Variants in ASIC2 observed in about 807,000 individuals in gnomAD.
ASIC2 encodes acid sensing ion channel subunit 2.
Under a neutral mutation model 57.3 loss-of-function variants are expected in ASIC2, and 25 were observed. The observed-to-expected ratio is 0.44, with a 90% CI of 0.32 to 0.61. ASIC2 has a LOEUF of 0.61. ASIC2 is among the 20% of genes least tolerant of loss of function. The probability of loss-of-function intolerance (pLI) is 0.06; values close to 1 mark genes in which losing one functional copy is unlikely to be tolerated. For synonymous variants in ASIC2, 319 were observed against 307.5 expected, an observed-to-expected ratio of 1.04 and a Z score of -0.39; for missense variants, 641 against 738.1, an observed-to-expected ratio of 0.87 and a Z score of 1.52.
intron 1 of ASIC2, among the ~76,000 whole-genome samples, chr17:33,736,962 T>C (rs1320691489): frequency 6.6e-6 from 1 of 152,286 alleles, no homozygotes; most frequent in East Asian, 1.9e-4. Flanking sequence ...TGAGATACAG[T>C]AAGCTGCACA....
At chr17:33,078,769 GC>G (rs1308376966) in intron 3 of ASIC2, among the ~76,000 whole-genome samples, 1 of 152,194 alleles carries the variant, frequency 6.6e-6, no homozygotes, top group East Asian at 1.9e-4. Flanking sequence ...TGATTGATTG[GC>G]TACCTCTCCT....
chr17:33,858,674 G>C (rs1287659069), intron 1 of ASIC2, among the ~76,000 whole-genome samples: 1 of 152,228 alleles, frequency 6.6e-6, no homozygotes, highest in Non-Finnish European at 1.5e-5. Flanking sequence ...TTTCCCAGAG[G>C]ACTGGATCAT....
At chr17:33,830,463 C>T (rs1016261168) in intron 1 of ASIC2, among the ~76,000 whole-genome samples, 1 of 152,116 alleles carries the variant, frequency 6.6e-6, no homozygotes, top group Non-Finnish European at 1.5e-5. Context: ...TCATGTGGAC[C>T]TCCCATCTCT....
At chr17:33,049,950 T>A (rs1196680041) in intron 3 of ASIC2, among the ~76,000 whole-genome samples, 1 of 152,160 alleles carries the variant, frequency 6.6e-6, no homozygotes, top group African/African-American at 2.4e-5. Context: ...TGTGCTCTTT[T>A]GTGCCACTGG....
At chr17:33,447,075 T>C (rs957033543) in intron 1 of ASIC2, among the ~76,000 whole-genome samples, 1 of 152,226 alleles carries the variant, frequency 6.6e-6, no homozygotes, top group Non-Finnish European at 1.5e-5. Context: ...TTTATGGTGT[T>C]TGCAGTTGGA....
At chr17:33,021,177 CTCTATG>C in intron 7 of ASIC2, 36 bp downstream of exon 7, 2 of 1,017,014 alleles carry the variant, frequency 2.0e-6, no homozygotes, top group Non-Finnish European at 1.5e-6. Flanking sequence ...CCCTCCCACC[CTCTATG>C]AGATGTGGAA....
intron 1 of ASIC2, among the ~76,000 whole-genome samples, chr17:33,137,321 G>T (rs924064561): frequency 2.6e-5 from 4 of 152,234 alleles, no homozygotes; most frequent in Non-Finnish European, 5.9e-5. Context: ...ATGCCAATGT[G>T]CATTGTGAAT....
In ASIC2 at chr17:33,356,987, G is replaced by A. The variant is rs114826237; in HGVS notation, c.556-244920C>T. Among the ~76,000 whole-genome samples the A allele has an allele frequency of 3.2e-3, 488 of 152,308 alleles. 1 individual carries two copies. Among genetic ancestry groups the A allele is most frequent in the African/African-American group, 0.011 (475 of 41,562 alleles). On this transcript the variant is annotated intron_variant, in intron 1 of 9. Coordinates refer to the ASIC2 transcript ENST00000359872. ...GGGAACAGCTTAGGGATTAGGGACC[G>A]TCTAGATCGGTGGTTCTCAAACTTC...
chr17:33,647,851 C>T (rs1002566436), intron 1 of ASIC2, among the ~76,000 whole-genome samples: 2 of 152,198 alleles, frequency 1.3e-5, no homozygotes, highest in South Asian at 2.1e-4. Flanking sequence ...GGCTACTGCT[C>T]ATAGTGCACT....
intron 1 of ASIC2, among the ~76,000 whole-genome samples, chr17:34,062,921 A>G (rs1909025838): frequency 6.6e-6 from 1 of 152,098 alleles, no homozygotes; most frequent in Admixed American, 6.5e-5. Flanking sequence ...CGAATTCACA[A>G]CAGAATTCTA....
At chr17:33,392,169 T>TCC (rs1422123057) in intron 1 of ASIC2, among the ~76,000 whole-genome samples, 18 of 135,154 alleles carry the variant, frequency 1.3e-4, no homozygotes, top group African/African-American at 4.5e-4. Context: ...TTCTTTTCCT[T>TCC]TCTTCCTTCC....
chr17:33,347,907 G>C (rs1444141424), intron 1 of ASIC2, among the ~76,000 whole-genome samples: 1 of 152,150 alleles, frequency 6.6e-6, no homozygotes, highest in African/African-American at 2.4e-5. Flanking sequence ...TTCAAGACCA[G>C]CCTGGCCAAC....
At chr17:33,743,433 T>C (rs1035747832) in intron 1 of ASIC2, among the ~76,000 whole-genome samples, 1 of 152,256 alleles carries the variant, frequency 6.6e-6, no homozygotes, top group Non-Finnish European at 1.5e-5. Context: ...CCACATGTGA[T>C]AGTTAATTTT....
intron 1 of ASIC2, among the ~76,000 whole-genome samples, chr17:33,929,141 C>T (rs1915881038): frequency 6.6e-6 from 1 of 152,122 alleles, no homozygotes; most frequent in Non-Finnish European, 1.5e-5. Flanking sequence ...TCAGACCCCC[C>T]ATTGGATGGT....
intron 1 of ASIC2, among the ~76,000 whole-genome samples, chr17:33,311,111 G>C (rs1906398705): frequency 6.6e-6 from 1 of 152,182 alleles, no homozygotes; most frequent in South Asian, 2.1e-4. Context: ...AAGAGAAAGA[G>C]AGGGAGGCAG....
chr17:33,760,183 T>C (rs1910739427), intron 1 of ASIC2, among the ~76,000 whole-genome samples: 1 of 152,148 alleles, frequency 6.6e-6, no homozygotes, highest in African/African-American at 2.4e-5. Flanking sequence ...ATGGACTTAT[T>C]TGACATAGCA....
intron 1 of ASIC2, among the ~76,000 whole-genome samples, chr17:33,575,646 T>C (rs1290462230): frequency 6.6e-6 from 1 of 152,148 alleles, no homozygotes; most frequent in African/African-American, 2.4e-5. Flanking sequence ...CGGAGATAAA[T>C]GTTAACCCAG....
intron 1 of ASIC2, among the ~76,000 whole-genome samples, chr17:33,841,096 G>C (rs144017034): frequency 1.6e-4 from 25 of 152,324 alleles, no homozygotes; most frequent in Middle Eastern, 3.4e-3. Flanking sequence ...CTTTTCTCAA[G>C]CTAGCTAGAA....
At chr17:33,268,847 G>A (rs1306241151) in intron 1 of ASIC2, among the ~76,000 whole-genome samples, 1 of 152,166 alleles carries the variant, frequency 6.6e-6, no homozygotes, top group Non-Finnish European at 1.5e-5. Context: ...CTAAATGACA[G>A]GACAGAGATT....
Sources: gnomAD v4.1 joint callset for allele counts (sites outside exome capture counted in the v4.1 genomes callset) on GRCh38, gnomAD v4.1.1 for gene constraint, MANE v1.5 for transcripts, NCBI Gene and HGNC (gene_info 2026-07-23, HGNC 2026-07-21) for gene names.